Variants in RIN3 observed in about 807,000 individuals in gnomAD.
RIN3 encodes RAB5 interacting protein 3.
A neutral mutation model predicts 76.3 loss-of-function variants in RIN3; 54 were observed. The observed-to-expected ratio is 0.71, with a 90% CI of 0.57 to 0.89. RIN3 has a LOEUF of 0.89. RIN3 is among the 40% of genes least tolerant of loss of function. The pLI is 0.00. For synonymous variants in RIN3, 576 were observed against 564.0 expected, an observed-to-expected ratio of 1.02 and a Z score of -0.30; for missense variants, 1,256 against 1,322.1, an observed-to-expected ratio of 0.95 and a Z score of 0.78.
At chr14:92,633,989 G>A (rs1886682452) in intron 4 of RIN3, among the ~76,000 whole-genome samples, 1 of 151,990 alleles carries the variant, frequency 6.6e-6, no homozygotes, top group South Asian at 2.1e-4. Flanking sequence ...TCCAGAGAGA[G>A]GTGCTGGCTC....
chr14:92,654,955 A>G (rs532913280), intron 6 of RIN3, among the ~76,000 whole-genome samples: 6 of 152,210 alleles, frequency 3.9e-5, no homozygotes, highest in Admixed American at 3.3e-4. Context: ...ACCTAAGGTC[A>G]GGAGTTTGAG....
chr14:92,677,083 TAGAC>T (rs1339746142), intron 8 of RIN3, among the ~76,000 whole-genome samples: 1 of 152,186 alleles, frequency 6.6e-6, no homozygotes, highest in African/African-American at 2.4e-5. Flanking sequence ...AATCAGTTCT[TAGAC>T]AGGGGTGACC....
At chr14:92,677,903 C>CCCA (rs1311553076) in intron 8 of RIN3, among the ~76,000 whole-genome samples, 1 of 150,910 alleles carries the variant, frequency 6.6e-6, no homozygotes, top group Non-Finnish European at 1.5e-5. Flanking sequence ...TATACGTCCA[C>CCCA]CCACCCATCC....
Position 92,622,352 on chromosome 14 carries a change from A to G in RIN3, c.440+6873A>G, listed in dbSNP as rs368862174. 4.6e-5 allele frequency among the ~76,000 whole-genome samples: 7 copies of G among 152,164 alleles called. No individual in the cohort carries two copies. In the East Asian group the frequency reaches 1.2e-3, roughly 25 times the overall value. On this transcript the variant is annotated intron_variant, in intron 4 of 9. Transcript: ENST00000216487. Reference sequence around the variant, plus strand: ...GCATGTGTTCCCTCCAGAGCCTGCTATGAGCTTTCCTTTGGTACCTGGGTG... The same window carrying G: ...GCATGTGTTCCCTCCAGAGCCTGCTGTGAGCTTTCCTTTGGTACCTGGGTG...
At chr14:92,559,916 A>C (rs1445396514) in intron 2 of RIN3, among the ~76,000 whole-genome samples, 1 of 152,184 alleles carries the variant, frequency 6.6e-6, no homozygotes, top group Non-Finnish European at 1.5e-5. Context: ...CCATTGACTG[A>C]TTCGGGTCTG....
rs1237988301 is a variant in RIN3 at position 92,537,961 on chromosome 14, C to A, written c.45-17790C>A. Reference sequence around the variant, plus strand: ...AAGTGATTCCTCTGCCTCAGCCCCCCAAGTAGCTGGGACTACAGGCGCCCG... The same window carrying A: ...AAGTGATTCCTCTGCCTCAGCCCCCAAAGTAGCTGGGACTACAGGCGCCCG... On this transcript the variant is annotated intron_variant, in intron 1 of 9. Transcript: ENST00000216487. Among the ~76,000 whole-genome samples, 7 of 152,122 alleles carry A rather than the reference C, an allele frequency of 4.6e-5. No homozygotes were observed. The South Asian group carries it at 1.5e-3, about 32-fold the overall frequency.
At chr14:92,574,285 T>C (rs751684014) in intron 2 of RIN3, among the ~76,000 whole-genome samples, 2 of 152,160 alleles carry the variant, frequency 1.3e-5, no homozygotes, top group African/African-American at 4.8e-5. Context: ...GTACCAGAGA[T>C]TGGCTGGACA....
At chr14:92,553,625 A>G (rs1897496655) in intron 1 of RIN3, among the ~76,000 whole-genome samples, 1 of 152,000 alleles carries the variant, frequency 6.6e-6, no homozygotes, top group South Asian at 2.1e-4. Flanking sequence ...TCTTCTAGGT[A>G]GGCTGAAGGC....
Position 92,607,847 on chromosome 14 carries a change from G to A in RIN3, c.368-7560G>A, listed in dbSNP as rs549473330. Among the ~76,000 whole-genome samples, 408 of 152,288 alleles carry A rather than the reference G, an allele frequency of 2.7e-3. 1 individual carries two copies. The highest frequency in any genetic ancestry group is 0.014 in the Middle Eastern group (4 of 294). ...TACAGAATATTACTCAGCAGTAAAA[G>A]GCAATGAACTGTTGATTCACGGAAC... On this transcript the variant is annotated intron_variant, in intron 3 of 9. Transcript: ENST00000216487.
At chr14:92,630,861 C>A (rs1009082681) in intron 4 of RIN3, among the ~76,000 whole-genome samples, 11 of 152,146 alleles carry the variant, frequency 7.2e-5, no homozygotes, top group Admixed American at 2.0e-4. Flanking sequence ...AAGCTTGTGA[C>A]CCTGGGCAAG....
intron 3 of RIN3, among the ~76,000 whole-genome samples, chr14:92,609,994 T>C (rs1885671231): frequency 6.6e-6 from 1 of 152,118 alleles, no homozygotes; most frequent in Non-Finnish European, 1.5e-5. Flanking sequence ...GTTTATTTAA[T>C]GTATTCAATA....
At position 92,651,625 on chromosome 14, in the gene RIN3, G is replaced by T; in HGVS notation, c.576G>T (p.Lys192Asn). 6.2e-7 allele frequency: 1 copy of T among 1,611,408 alleles called. No homozygotes were observed. The highest frequency in any genetic ancestry group is 1.3e-5 in the African/African-American group (1 of 74,762). The change falls in exon 6 of 10, where the codon AAG (lysine) becomes AAT (asparagine). Residue 192 changes from lysine (K) to asparagine (N), a missense_variant. Around this residue, in one of 3 missense-constraint regions of RIN3, gnomAD observed 610 missense variants for 626.4 expected, o/e 0.97. Coordinates refer to ENST00000216487, the MANE Select transcript of RIN3 (RefSeq NM_024832.5). The part of the protein sequence containing the change: ...SSLNPPQERG[K>N]PAEPPRDRAP... Reference sequence around the variant, plus strand: ...TGAATCCTCCACAAGAAAGAGGGAAGCCAGCAGAGCCCCCAAGAGACCGGG... The same window carrying T: ...TGAATCCTCCACAAGAAAGAGGGAATCCAGCAGAGCCCCCAAGAGACCGGG...
chr14:92,546,497 T>A (rs1897268853), intron 1 of RIN3, among the ~76,000 whole-genome samples: 1 of 152,200 alleles, frequency 6.6e-6, no homozygotes, highest in African/African-American at 2.4e-5. Flanking sequence ...GTGGACTGAG[T>A]CACAGCTTTA....
At chr14:92,657,952 T>C (rs1017057769) in intron 6 of RIN3, among the ~76,000 whole-genome samples, 1 of 152,114 alleles carries the variant, frequency 6.6e-6, no homozygotes, top group East Asian at 1.9e-4. Context: ...AGGTGTCTCC[T>C]TACAGGAACA....
At chr14:92,610,278 GA>G (rs1566866628) in intron 3 of RIN3, among the ~76,000 whole-genome samples, 2 of 152,066 alleles carry the variant, frequency 1.3e-5, no homozygotes, top group African/African-American at 2.4e-5. Flanking sequence ...TAAAAAGAAA[GA>G]AAAAAAGAGA....
intron 5 of RIN3, among the ~76,000 whole-genome samples, chr14:92,645,815 G>T (rs553392038): frequency 9.9e-5 from 15 of 152,166 alleles, no homozygotes; most frequent in African/African-American, 3.4e-4. Flanking sequence ...TTAGCCAGGC[G>T]TGATGTCACA....
At chr14:92,668,338 G>A (rs1302516748) in intron 7 of RIN3, among the ~76,000 whole-genome samples, 1 of 152,220 alleles carries the variant, frequency 6.6e-6, no homozygotes, top group Non-Finnish European at 1.5e-5. Context: ...AGTCATGGCT[G>A]AGTTTTGCAG....
chr14:92,538,373 T>G (rs1897057727), intron 1 of RIN3, among the ~76,000 whole-genome samples: 1 of 152,238 alleles, frequency 6.6e-6, no homozygotes, highest in African/African-American at 2.4e-5. Context: ...ATGTTGCCAG[T>G]TTCATATGGT....
chr14:92,576,095 G>A, intron 2 of RIN3: 2 of 563,178 alleles, frequency 3.6e-6, no homozygotes, highest in South Asian at 3.9e-5. Flanking sequence ...GGGAAGACAT[G>A]GACCAAGTCC....
Sources: gnomAD v4.1 joint callset for allele counts (sites outside exome capture counted in the v4.1 genomes callset) on GRCh38, gnomAD v4.1.1 for gene constraint, gnomAD v4.1.1 regional missense constraint, MANE v1.5 for transcripts, NCBI Gene and HGNC (gene_info 2026-07-23, HGNC 2026-07-21) for gene names.